RBFOX1: variants seen among roughly 807,000 people sequenced by gnomAD.
RBFOX1 encodes the protein RNA binding fox-1 homolog 1, also known as RNA binding protein fox-1 homolog 1.
A neutral mutation model predicts 57.7 loss-of-function variants in RBFOX1; 8 were observed. The observed-to-expected ratio is 0.14, with a 90% confidence interval of 0.08 to 0.25. The LOEUF (loss-of-function observed/expected upper bound fraction) is 0.25. RBFOX1 is among the 10% of genes least tolerant of loss of function. RBFOX1 has a pLI of 1.00. For missense variants in RBFOX1, 611 were observed against 548.5 expected (o/e 1.11, Z -1.14); for synonymous variants, 326 against 222.4 (o/e 1.47, Z -4.15).
chr16:5,313,517 A>T (rs12232466), intron 1 of RBFOX1, among the ~76,000 whole-genome samples: 151,875 of 152,250 alleles, frequency 1, 75,754 homozygotes, highest in Non-Finnish European at 1. Context: ...ATTAGTCCAT[A>T]TTCATGCTGC....
intron 1 of RBFOX1, among the ~76,000 whole-genome samples, chr16:5,271,470 G>C (rs2063006023): frequency 6.6e-6 from 1 of 152,246 alleles, no homozygotes; most frequent in Admixed American, 6.5e-5. Flanking sequence ...AGCCTGGTCT[G>C]GGATCCACTT....
chr16:7,259,577 A>G (rs1340291570), intron 4 of RBFOX1, among the ~76,000 whole-genome samples: 1 of 151,962 alleles, frequency 6.6e-6, no homozygotes, highest in East Asian at 1.9e-4. Context: ...AAAAAAAAGG[A>G]TTAAGATAAA....
At chr16:6,344,407 C>CTTTTCTTTTTTTTTT (rs767256133) in intron 2 of RBFOX1, among the ~76,000 whole-genome samples, 6 of 109,846 alleles carry the variant, frequency 5.5e-5, no homozygotes, top group African/African-American at 2.6e-4. Flanking sequence ...TCTTTTTTTT[C>CTTTTCTTTTTTTTTT]TTTTTTTTTT....
At chr16:6,232,233 G>A (rs934787416) in intron 1 of RBFOX1, among the ~76,000 whole-genome samples, 116 of 152,202 alleles carry the variant, frequency 7.6e-4, no homozygotes, top group African/African-American at 2.8e-3. Flanking sequence ...TGTGGTGTGA[G>A]TACCGGCTGG....
intron 3 of RBFOX1, among the ~76,000 whole-genome samples, chr16:6,956,747 G>A (rs2081933081): frequency 6.6e-6 from 1 of 152,244 alleles, no homozygotes; most frequent in South Asian, 2.1e-4. Context: ...CGATGGTCTT[G>A]TGGTTTGACC....
chr16:7,540,517 A>G (rs1390786693), intron 5 of RBFOX1, among the ~76,000 whole-genome samples: 4 of 152,242 alleles, frequency 2.6e-5, no homozygotes, highest in African/African-American at 9.6e-5. Flanking sequence ...AAGACAACAC[A>G]TGTCAATGAT....
intron 3 of RBFOX1, among the ~76,000 whole-genome samples, chr16:5,797,641 C>T (rs1170239276): frequency 2.0e-5 from 3 of 152,150 alleles, no homozygotes; most frequent in African/African-American, 7.2e-5. Context: ...TTTGAAAGAG[C>T]CAGCTTGGCC....
intron 1 of RBFOX1, among the ~76,000 whole-genome samples, chr16:5,364,842 G>A (rs1316439721): frequency 2.0e-5 from 3 of 152,120 alleles, no homozygotes; most frequent in African/African-American, 7.2e-5. Context: ...GACATAATTA[G>A]CAAGGGCAGA....
chr16:5,264,620 A>G (rs867118499), intron 1 of RBFOX1, among the ~76,000 whole-genome samples: 7 of 152,288 alleles, frequency 4.6e-5, no homozygotes, highest in Middle Eastern at 3.4e-3. Context: ...ATGAAATGCC[A>G]TGGGGTAGAA....
intron 4 of RBFOX1, among the ~76,000 whole-genome samples, chr16:5,943,706 G>C (rs1269364434): frequency 6.6e-6 from 1 of 152,146 alleles, no homozygotes; most frequent in Non-Finnish European, 1.5e-5. Flanking sequence ...ATCTGAAGAG[G>C]CTGAATGTAT....
intron 4 of RBFOX1, among the ~76,000 whole-genome samples, chr16:7,308,798 C>T (rs2096249874): frequency 6.6e-6 from 1 of 152,148 alleles, no homozygotes; most frequent in South Asian, 2.1e-4. Flanking sequence ...GAGGGTGGCC[C>T]CATGCACCAG....
chr16:5,400,677 C>G (rs965097419), intron 1 of RBFOX1, among the ~76,000 whole-genome samples: 2 of 148,884 alleles, frequency 1.3e-5, no homozygotes, highest in African/African-American at 2.5e-5. Flanking sequence ...TTTTTTTTTT[C>G]TATTACAAAT....
At chr16:7,411,759 TG>T (rs1275297642) in intron 4 of RBFOX1, among the ~76,000 whole-genome samples, 1 of 151,942 alleles carries the variant, frequency 6.6e-6, no homozygotes. Context: ...AAAAATTAGC[TG>T]GGCGTGGTGG....
At chr16:6,911,117 C>A (rs1338694188) in intron 3 of RBFOX1, among the ~76,000 whole-genome samples, 1 of 151,646 alleles carries the variant, frequency 6.6e-6, no homozygotes, top group African/African-American at 2.4e-5. Context: ...AGGACAATCG[C>A]TGGAACCTGG....
At chr16:5,701,476 AT>A (rs35222251) in intron 3 of RBFOX1, among the ~76,000 whole-genome samples, 114,805 of 150,324 alleles carry the variant, frequency 0.76, 48,637 homozygotes, top group Non-Finnish European at 0.93. Context: ...AGGATGGAAG[AT>A]TTTTTTTTTT....
chr16:7,043,326 CCT>C (rs1306731552), intron 3 of RBFOX1, among the ~76,000 whole-genome samples: 2 of 152,140 alleles, frequency 1.3e-5, no homozygotes, highest in Non-Finnish European at 2.9e-5. Flanking sequence ...TCACTCCTCC[CCT>C]GTCTTTTTTA....
intron 2 of RBFOX1, among the ~76,000 whole-genome samples, chr16:6,583,238 G>A (rs2097562231): frequency 6.6e-6 from 1 of 152,124 alleles, no homozygotes; most frequent in Non-Finnish European, 1.5e-5. Context: ...TGTGGTCCGG[G>A]GCACATGGCA....
At chr16:7,427,865 C>T (rs2098636974) in intron 4 of RBFOX1, among the ~76,000 whole-genome samples, 1 of 152,056 alleles carries the variant, frequency 6.6e-6, no homozygotes, top group South Asian at 2.1e-4. Flanking sequence ...TGTTTCCCAG[C>T]TTGGTCTCAA....
At chr16:7,332,411 CAGAG>C (rs909935898) in intron 4 of RBFOX1, among the ~76,000 whole-genome samples, 7 of 152,172 alleles carry the variant, frequency 4.6e-5, no homozygotes, top group African/African-American at 7.2e-5. Context: ...AATTTGAAAT[CAGAG>C]AGAGAGCGGG....
Sources: gnomAD v4.1 joint callset for allele counts (sites outside exome capture counted in the v4.1 genomes callset) on GRCh38, gnomAD v4.1.1 for gene constraint, MANE v1.5 for transcripts, NCBI Gene and HGNC (gene_info 2026-07-23, HGNC 2026-07-21) for gene names.